The following PKP2 variants were observed in gnomAD, a reference collection of about 807,000 sequenced individuals.
PKP2 encodes plakophilin 2.
Under a neutral mutation model 83.4 loss-of-function variants are expected in PKP2, and 73 were observed. The observed-to-expected ratio is 0.88, with a 90% CI of 0.72 to 1.06. PKP2 has a LOEUF of 1.06. Ranked by LOEUF, PKP2 falls within the 50% of genes least tolerant of loss-of-function variation. The pLI, the probability that PKP2 is intolerant of heterozygous loss-of-function variation, is 0.00. For synonymous variants in PKP2, 409 were observed against 430.4 expected, an observed-to-expected ratio of 0.95 and a Z score of 0.62; for missense variants, 966 against 1,065.4, an observed-to-expected ratio of 0.91 and a Z score of 1.30.
chr12:32,797,558 A>ACCTTTTTTT (rs1956138397), intron 10 of PKP2, among the ~76,000 whole-genome samples: 1 of 130,998 alleles, frequency 7.6e-6, no homozygotes, highest in African/African-American at 3.0e-5. Context: ...GTGAACTAAA[A>ACCTTTTTTT]TCTTTTTTTT....
chr12:32,796,315 AAAAC>A lies in PKP2; in HGVS notation c.2168-21_2168-18del. 8.9e-6 allele frequency: 14 copies of A among 1,575,562 alleles called. No individual in the cohort carries two copies. The highest frequency in any genetic ancestry group is 1.4e-5 in the African/African-American group (1 of 73,242). ...TTTCTTTGGCTACAAAATGAAAAAAAAAACAAAACACTTGATTAAAAAGATTGTT... is the reference window on the plus strand; with the variant it reads ...TTTCTTTGGCTACAAAATGAAAAAAAAAAACACTTGATTAAAAAGATTGTT... On this transcript the variant is annotated intron_variant, in intron 10 of 12. Transcript: ENST00000340811.
At chr12:32,842,392 G>A (rs575276677) in intron 5 of PKP2, among the ~76,000 whole-genome samples, 17 of 151,258 alleles carry the variant, frequency 1.1e-4, no homozygotes, top group Non-Finnish European at 2.2e-4. Context: ...ACAGGCGCCC[G>A]CCACCATGCC....
intron 9 of PKP2, among the ~76,000 whole-genome samples, chr12:32,818,908 A>G (rs1055556916): frequency 2.6e-5 from 4 of 152,196 alleles, no homozygotes; most frequent in African/African-American, 9.7e-5. Flanking sequence ...CACAGCATCT[A>G]AGCATACAAA....
chr12:32,847,204 A>G (rs1956654881), intron 5 of PKP2, among the ~76,000 whole-genome samples: 1 of 152,206 alleles, frequency 6.6e-6, no homozygotes, highest in Admixed American at 6.5e-5. Context: ...TAGGTTAACA[A>G]TTTATTTCTG....
chr12:32,815,402 A>G (rs16920249), intron 9 of PKP2, among the ~76,000 whole-genome samples: 19,190 of 152,070 alleles, frequency 0.13, 2,184 homozygotes, highest in African/African-American at 0.3. Context: ...CTCCTACTAG[A>G]CCATTCATTA....
intron 6 of PKP2, among the ~76,000 whole-genome samples, chr12:32,836,445 A>T (rs1406587396): frequency 6.6e-6 from 1 of 152,230 alleles, no homozygotes; most frequent in East Asian, 1.9e-4. Context: ...TCACTAACAC[A>T]AGTTCATTAG....
chr12:32,816,017 C>T (rs1956315970), intron 9 of PKP2, among the ~76,000 whole-genome samples: 1 of 152,158 alleles, frequency 6.6e-6, no homozygotes, highest in South Asian at 2.1e-4. Flanking sequence ...AATAACACTT[C>T]TAATTCATAT....
intron 3 of PKP2, among the ~76,000 whole-genome samples, chr12:32,876,313 T>C (rs1353673752): frequency 6.6e-6 from 1 of 152,044 alleles, no homozygotes; most frequent in Non-Finnish European, 1.5e-5. Context: ...GACTGGGAAG[T>C]GACAGGGTGG....
At chr12:32,889,070 C>G (rs1033577183) in intron 1 of PKP2, among the ~76,000 whole-genome samples, 9 of 152,108 alleles carry the variant, frequency 5.9e-5, no homozygotes, top group African/African-American at 1.9e-4. Context: ...AATTCTTTAA[C>G]TTGCATTCAA....
At chr12:32,854,358 T>C (rs888850657) in intron 4 of PKP2, among the ~76,000 whole-genome samples, 1 of 152,208 alleles carries the variant, frequency 6.6e-6, no homozygotes, top group African/African-American at 2.4e-5. Context: ...CTACTTACTG[T>C]ATAACTTGAC....
intron 5 of PKP2, among the ~76,000 whole-genome samples, chr12:32,850,302 C>T (rs1956684227): frequency 6.6e-6 from 1 of 152,136 alleles, no homozygotes; most frequent in South Asian, 2.1e-4. Context: ...GCCTGTAATC[C>T]CAGCACTTTG....
intron 9 of PKP2, among the ~76,000 whole-genome samples, chr12:32,805,281 T>C (rs1389974768): frequency 1.3e-5 from 2 of 152,200 alleles, no homozygotes; most frequent in Non-Finnish European, 2.9e-5. Context: ...ATAGTTTCTT[T>C]TGCTGTGCAG....
At chr12:32,873,047 C>A (rs759102627) in intron 3 of PKP2, among the ~76,000 whole-genome samples, 4 of 152,184 alleles carry the variant, frequency 2.6e-5, no homozygotes, top group Non-Finnish European at 4.4e-5. Flanking sequence ...AGAAGATCCA[C>A]CCTCTCTGCT....
At chr12:32,885,660 T>TC (rs149195097) in intron 1 of PKP2, among the ~76,000 whole-genome samples, 22,325 of 143,950 alleles carry the variant, frequency 0.16, 2,531 homozygotes, top group East Asian at 0.47. Flanking sequence ...CAAGATTCCG[T>TC]CCCCCCCCCA....
At chr12:32,832,531 T>C (rs1180940401) in intron 6 of PKP2, among the ~76,000 whole-genome samples, 1 of 152,246 alleles carries the variant, frequency 6.6e-6, no homozygotes, top group African/African-American at 2.4e-5. Context: ...ATTAACTTCA[T>C]ATTGCTTATG....
intron 6 of PKP2, among the ~76,000 whole-genome samples, chr12:32,825,372 T>C (rs1466544435): frequency 1.3e-5 from 2 of 151,994 alleles, no homozygotes; most frequent in Admixed American, 6.6e-5. Flanking sequence ...TTTCACCATG[T>C]TGGTTGGCCA....
chr12:32,877,842 T>C lies in PKP2; in HGVS notation c.1034+4A>G, dbSNP rs752686145. ...CTGAACTGCAGAGTCAGGAGGGGAC[T>C]TACCCCAGCTGGGAGTCAGTGAAAG... On this transcript the variant is annotated splice_donor_region_variant and intron_variant, in intron 3 of 12. Coordinates refer to ENST00000340811, the MANE Select transcript of PKP2 (RefSeq NM_001005242.3). The C allele has an allele frequency of 1.2e-6, 2 of 1,604,640 alleles. No individual in the cohort carries two copies. Among genetic ancestry groups the C allele is most frequent in the East Asian group, 2.2e-5 (1 of 44,834 alleles).
At chr12:32,796,339 A>G in intron 10 of PKP2, 41 bp from the exon 11 acceptor site, 1 of 1,501,760 alleles carries the variant, frequency 6.7e-7, no homozygotes, top group African/African-American at 1.4e-5. Flanking sequence ...GATTAAAAAG[A>G]TTGTTTCTTA....
At chr12:32,874,267 C>T (rs1450006270) in intron 3 of PKP2, among the ~76,000 whole-genome samples, 1 of 152,118 alleles carries the variant, frequency 6.6e-6, no homozygotes, top group Non-Finnish European at 1.5e-5. Flanking sequence ...CCAAAGAGAA[C>T]ACAGTGTGTG....
Sources: gnomAD v4.1 joint callset for allele counts (sites outside exome capture counted in the v4.1 genomes callset) on GRCh38, gnomAD v4.1.1 for gene constraint, MANE v1.5 for transcripts, NCBI Gene and HGNC (gene_info 2026-07-23, HGNC 2026-07-21) for gene names.